MYL4: variants seen among roughly 807,000 people sequenced by gnomAD.
MYL4 encodes the protein myosin light chain 4.
Under a neutral mutation model 21.6 loss-of-function variants are expected in MYL4, and 16 were observed. The observed-to-expected ratio is 0.74, with a 90% CI of 0.50 to 1.12. The LOEUF is 1.12. MYL4 is among the 50% of genes most tolerant of loss of function. The pLI is 0.00. For missense variants in MYL4, 249 were observed against 252.9 expected (o/e 0.98, Z 0.11); for synonymous variants, 82 against 95.7 (o/e 0.86, Z 0.83).
upstream of MYL4, among the ~76,000 whole-genome samples, chr17:47,196,211 G>A (rs2064688497): frequency 6.6e-6 from 1 of 152,190 alleles, no homozygotes; most frequent in African/African-American, 2.4e-5. Flanking sequence ...AGATGCACAG[G>A]AAAGTTTGAT....
the MYL4 span, among the ~76,000 whole-genome samples, chr17:47,192,851 G>A: frequency 6.6e-6 from 1 of 152,130 alleles, no homozygotes; most frequent in Non-Finnish European, 1.5e-5. Context: ...GCTGTCATCC[G>A]TTATCCAATA....
chr17:47,207,627 G>T (rs114619251), upstream of MYL4, among the ~76,000 whole-genome samples: 2,509 of 152,274 alleles, frequency 0.016, 53 homozygotes, highest in African/African-American at 0.054. Flanking sequence ...AAGGCGAAGT[G>T]ATTTTTTTGC....
upstream of MYL4, among the ~76,000 whole-genome samples, chr17:47,204,117 C>G (rs2064718796): frequency 6.6e-6 from 1 of 152,238 alleles, no homozygotes; most frequent in Admixed American, 6.5e-5. Flanking sequence ...CTCTTACCAA[C>G]ACCCGGACCA....
upstream of MYL4, among the ~76,000 whole-genome samples, chr17:47,207,042 C>G (rs2064730913): frequency 6.6e-6 from 1 of 151,974 alleles, no homozygotes; most frequent in Non-Finnish European, 1.5e-5. Context: ...AGCGAAGGTA[C>G]AAGGAATCAA....
the MYL4 span, among the ~76,000 whole-genome samples, chr17:47,193,854 C>T: frequency 6.6e-6 from 1 of 152,156 alleles, no homozygotes; most frequent in Non-Finnish European, 1.5e-5. Context: ...CTCCCAGGTT[C>T]AAGCGATTCT....
At chr17:47,214,035 A>G in intron 2 of MYL4, 2 of 550,958 alleles carry the variant, frequency 3.6e-6, no homozygotes, top group South Asian at 2.3e-5. Context: ...TAACAACACC[A>G]TGAGGTAGAA....
chr17:47,189,633 C>T, the MYL4 span, among the ~76,000 whole-genome samples: 10 of 152,246 alleles, frequency 6.6e-5, no homozygotes, highest in African/African-American at 2.4e-4. Flanking sequence ...ATTAGCCCCT[C>T]AGCCCTTTTG....
chr17:47,213,680 T>C lies in MYL4; in HGVS notation c.136-119T>C, dbSNP rs115249309. ...ACAAGTCACCTTCCCTGCTTATCAG[T>C]GGCCTGCTGGAGGTGGCCATACTGC... On this transcript the variant is annotated intron_variant, in intron 1 of 6. Coordinates refer to ENST00000393450, the MANE Select transcript of MYL4 (RefSeq NM_002476.2). 9.2e-4 allele frequency: 877 copies of C among 949,128 alleles called. 6 individuals are homozygous for C. The highest frequency in any genetic ancestry group is 5.4e-3 in the African/African-American group (336 of 62,386). 58.8% of individuals were successfully genotyped at this position (949,128 alleles called of 1,614,324 possible). A position where few individuals can be genotyped will look rare whatever the true frequency, so the allele number is the denominator to read the frequency against.
chr17:47,197,588 T>C (rs2064694189), upstream of MYL4, among the ~76,000 whole-genome samples: 1 of 152,144 alleles, frequency 6.6e-6, no homozygotes, highest in Non-Finnish European at 1.5e-5. Flanking sequence ...TTTATGATGG[T>C]GTAGAAGCAA....
the MYL4 span, among the ~76,000 whole-genome samples, chr17:47,191,488 G>A: frequency 2.0e-5 from 3 of 151,278 alleles, no homozygotes; most frequent in East Asian, 1.9e-4. Flanking sequence ...TTTTTTTTCC[G>A]AGACTGAGTC....
chr17:47,223,179 C>T, intron 6 of MYL4, 122 bp downstream of exon 6: 1 of 1,012,706 alleles, frequency 9.9e-7, no homozygotes, highest in Non-Finnish European at 1.5e-6. Context: ...CTCTTGGGAT[C>T]AGGAAGTGAG....
At chr17:47,206,168 G>T (rs2149039391), upstream of MYL4, among the ~76,000 whole-genome samples, 1 of 152,222 alleles carries the variant, frequency 6.6e-6, no homozygotes, top group South Asian at 2.1e-4. Context: ...GCAAAACCAG[G>T]CTTCAGACCC....
At chr17:47,219,588 A>G (rs527706758) in intron 2 of MYL4, among the ~76,000 whole-genome samples, 22 of 152,128 alleles carry the variant, frequency 1.4e-4, no homozygotes, top group Non-Finnish European at 2.6e-4. Context: ...GGCTGACTGC[A>G]ACCTCTGCCT....
chr17:47,213,764 A>G (rs541095627), intron 1 of MYL4, 35 bp from the exon 2 acceptor site: 4 of 1,613,474 alleles, frequency 2.5e-6, no homozygotes, highest in Non-Finnish European at 3.4e-6. Flanking sequence ...TGCTTTTAGC[A>G]ATCCAAGCCC....
At chr17:47,208,366 C>T (rs1263389886), upstream of MYL4, among the ~76,000 whole-genome samples, 1 of 152,116 alleles carries the variant, frequency 6.6e-6, no homozygotes, top group African/African-American at 2.4e-5. Flanking sequence ...CCAGGAAAGA[C>T]GAGGCTGCAG....
intron 6 of MYL4, 110 bp downstream of exon 6, chr17:47,223,167 A>T: frequency 9.8e-6 from 11 of 1,118,900 alleles, no homozygotes; most frequent in Non-Finnish European, 1.3e-5. Context: ...TTAAGAGGAA[A>T]CCTCTTGGGA....
At position 47,222,427 on chromosome 17, in the gene MYL4, G is replaced by A; in HGVS notation, c.535G>A (p.Glu179Lys). The change falls in exon 5 of 7, where the codon GAG (glutamate) becomes AAG (lysine). Residue 179 changes from glutamate to lysine, a missense_variant. Coordinates refer to ENST00000393450, the MANE Select transcript of MYL4 (RefSeq NM_002476.2). ...AEVEQLLAGQ[E>K]DANGCINYEA... ...AGTGGAGCAGCTGTTAGCTGGGCAAGAGGATGCCAATGGCTGCATCAATTA... is the reference window on the plus strand; with the variant it reads ...AGTGGAGCAGCTGTTAGCTGGGCAAAAGGATGCCAATGGCTGCATCAATTA... The A allele has an allele frequency of 2.5e-6, 4 of 1,614,124 alleles. No homozygotes were observed. The highest frequency in any genetic ancestry group is 2.5e-6 in the Non-Finnish European group (3 of 1,179,984).
intron 1 of MYL4, among the ~76,000 whole-genome samples, chr17:47,210,894 C>T (rs1055667546): frequency 6.6e-6 from 1 of 152,158 alleles, no homozygotes; most frequent in African/African-American, 2.4e-5. Context: ...GAAAAGCTGA[C>T]TATTTCACCC....
At chr17:47,207,353 AGTAGCTGAAT>A (rs1276433794), upstream of MYL4, among the ~76,000 whole-genome samples, 1 of 152,202 alleles carries the variant, frequency 6.6e-6, no homozygotes, top group African/African-American at 2.4e-5. Flanking sequence ...TCTGCCTATA[AGTAGCTGAAT>A]GTCTTGAGGC....
Sources: allele counts gnomAD v4.1 joint callset (sites outside exome capture counted in the v4.1 genomes callset), GRCh38; gene constraint gnomAD v4.1.1; transcripts MANE v1.5; gene names NCBI Gene and HGNC (gene_info 2026-07-23, HGNC 2026-07-21).